Variants in APBA2 observed in about 807,000 individuals in gnomAD.
The protein encoded by APBA2 is amyloid beta precursor protein binding family A member 2.
APBA2 carries 30 observed loss-of-function variants against 75.0 expected under a neutral mutation model. That is an observed-to-expected ratio of 0.40 (90% CI 0.30 to 0.54). The LOEUF (loss-of-function observed/expected upper bound fraction) is 0.54. APBA2 is among the 20% of genes least tolerant of loss of function. The pLI is 0.49. For missense variants in APBA2, 801 were observed against 1,016.1 expected (o/e 0.79, Z 2.88); for synonymous variants, 444 against 409.6 (o/e 1.08, Z -1.01).
intron 2 of APBA2, among the ~76,000 whole-genome samples, chr15:28,928,159 A>AAG (rs398026686): frequency 1.3e-5 from 2 of 150,524 alleles, no homozygotes; most frequent in African/African-American, 2.4e-5. Flanking sequence ...AAAAAAAAAA[A>AAG]GAAACATGTT....
At position 28,991,568 on chromosome 15, in the gene APBA2, C is replaced by A. The variant is rs994838728; in HGVS notation, c.-94-4185C>A. On this transcript the variant is annotated intron_variant, in intron 2 of 14. Transcript: ENST00000683413. This position sits in a 1 kb window ranked among gnomAD's most constrained non-coding sequence, Gnocchi z 4.7. The stretch of plus-strand genomic sequence containing the variant: ...GCCATGTGAGTGTGAACCCCCATTA[C>A]AAGCTTTCCCTCATGAGATGGCGCT... Among the ~76,000 whole-genome samples the A allele has an allele frequency of 6.6e-6, 1 of 152,198 alleles. No homozygotes were observed. The highest frequency in any genetic ancestry group is 6.5e-5 in the Admixed American group (1 of 15,290).
chr15:29,115,228 G>A (rs949873833), intron 14 of APBA2, among the ~76,000 whole-genome samples: 1 of 135,990 alleles, frequency 7.4e-6, no homozygotes. Flanking sequence ...CTGAGTGCGT[G>A]GCGACCATCC....
At chr15:28,965,218 AT>A in intron 2 of APBA2, among the ~76,000 whole-genome samples, 2 of 152,246 alleles carry the variant, frequency 1.3e-5, no homozygotes, top group Middle Eastern at 6.8e-3. Context: ...AGCGCCATTA[AT>A]TGAAAAGGCT....
chr15:28,979,143 C>G (rs1375381439), intron 2 of APBA2, among the ~76,000 whole-genome samples: 1 of 152,222 alleles, frequency 6.6e-6, no homozygotes, highest in Admixed American at 6.5e-5. Flanking sequence ...TCCACACCCC[C>G]TGCCTGGCCT....
Position 29,054,974 on chromosome 15 carries a change from C to T in APBA2, c.951+139C>T. 1.2e-6 allele frequency: 1 copy of T among 819,288 alleles called. No homozygotes were observed. Among genetic ancestry groups the T allele is most frequent in the Non-Finnish European group, 2.0e-6 (1 of 509,096 alleles). 50.8% of individuals were successfully genotyped at this position (819,288 alleles called of 1,614,324 possible). A position where few individuals can be genotyped will look rare whatever the true frequency, so the allele number is the denominator to read the frequency against. ...CAGTTCTAATGGTGGCTGAGCTCTTCATTGGTCCAGTTGGGAGACATGTTG... is the reference window on the plus strand; with the variant it reads ...CAGTTCTAATGGTGGCTGAGCTCTTTATTGGTCCAGTTGGGAGACATGTTG... On this transcript the variant is annotated intron_variant, in intron 4 of 14. Transcript: ENST00000683413. This position sits in a 1 kb window ranked among gnomAD's most constrained non-coding sequence, Gnocchi z 6.1.
chr15:29,059,217 G>A (rs1342910600), intron 4 of APBA2, among the ~76,000 whole-genome samples: 2 of 144,772 alleles, frequency 1.4e-5, no homozygotes, highest in East Asian at 3.9e-4. Flanking sequence ...TTGTTGATAT[G>A]TGTGTGTGTG....
intron 14 of APBA2, among the ~76,000 whole-genome samples, chr15:29,115,979 G>T (rs111354367): frequency 1.3e-5 from 2 of 152,156 alleles, no homozygotes; most frequent in African/African-American, 4.8e-5. Context: ...CCCCCCATCC[G>T]GAGGCCGCAG....
intron 2 of APBA2, among the ~76,000 whole-genome samples, chr15:28,960,148 CAAAAAAAAA>C (rs59345963): frequency 1.1e-5 from 1 of 93,196 alleles, no homozygotes; most frequent in Non-Finnish European, 2.1e-5. Context: ...GACCTTGTTT[CAAAAAAAAA>C]AAAAAAAAAA....
rs138518851 is a variant in APBA2 at position 29,009,264 on chromosome 15, T to C, written c.-41+13458T>C. On this transcript the variant is annotated intron_variant, in intron 3 of 14. Coordinates refer to ENST00000683413, the MANE Select transcript of APBA2 (RefSeq NM_001353788.2). ...AGCACATTGCACCCCCTCCCCTCAC[T>C]GTAACAATCCACACCCTCAGAACGC... Among the ~76,000 whole-genome samples the C allele has an allele frequency of 3.0e-3, 457 of 152,240 alleles. 1 individual carries two copies. Among genetic ancestry groups the C allele is most frequent in the African/African-American group, 0.01 (434 of 41,530 alleles).
rs369914298 is a variant in APBA2 at position 29,017,829 on chromosome 15, G to A, written c.-41+22023G>A. Among the ~76,000 whole-genome samples, 18 of 151,880 alleles carry A rather than the reference G, an allele frequency of 1.2e-4. No individual in the cohort carries two copies. In the East Asian group the frequency reaches 2.9e-3, roughly 24 times the overall value. On this transcript the variant is annotated intron_variant, in intron 3 of 14. Transcript: ENST00000683413. The stretch of plus-strand genomic sequence containing the variant: ...TAGCACTGTATCTTTGTGTTTCTGC[G>A]GCAATATCTTCTTCTATTTATTTAA...
intron 12 of APBA2, 54 bp downstream of exon 12, chr15:29,106,873 A>C: frequency 6.5e-7 from 1 of 1,542,046 alleles, no homozygotes; most frequent in Non-Finnish European, 8.9e-7. Flanking sequence ...GCCTCACTTC[A>C]TCCCCACTTT....
chr15:28,977,092 T>A (rs1331573400), intron 2 of APBA2: 1 of 152,140 alleles, frequency 6.6e-6, no homozygotes, highest in African/African-American at 2.4e-5. Flanking sequence ...ATGTGAGCCT[T>A]AGTTCAGGCT....
intron 3 of APBA2, among the ~76,000 whole-genome samples, chr15:29,014,421 A>C: frequency 6.6e-6 from 1 of 152,250 alleles, no homozygotes; most frequent in East Asian, 1.9e-4. Context: ...TGTGATCCCA[A>C]AACAATCCTT....
intron 4 of APBA2, among the ~76,000 whole-genome samples, chr15:29,055,398 G>A (rs1346257324): frequency 1.3e-5 from 2 of 152,220 alleles, no homozygotes; most frequent in Admixed American, 6.5e-5. Context: ...TTGAAGGTTT[G>A]ACAAAACCTC....
At chr15:29,056,084 A>T (rs957486263) in intron 4 of APBA2, among the ~76,000 whole-genome samples, 6 of 152,202 alleles carry the variant, frequency 3.9e-5, no homozygotes, top group Non-Finnish European at 8.8e-5. Flanking sequence ...GGCTGTGCAG[A>T]GCGTGTGACA....
intron 2 of APBA2, among the ~76,000 whole-genome samples, 184 bp from the exon 3 acceptor site, chr15:28,995,568 GA>G (rs1479848746): frequency 5.2e-4 from 79 of 152,262 alleles, no homozygotes; most frequent in Non-Finnish European, 9.3e-4. Flanking sequence ...AATGGCTAAA[GA>G]AACATTTTAA....
chr15:29,078,082 G>C, intron 6 of APBA2, among the ~76,000 whole-genome samples: 1 of 152,020 alleles, frequency 6.6e-6, no homozygotes, highest in East Asian at 1.9e-4. Context: ...GGATCATGAG[G>C]TCAGCAGATC....
At chr15:28,887,645 G>A (rs1243533475) in intron 1 of APBA2, among the ~76,000 whole-genome samples, 1 of 152,172 alleles carries the variant, frequency 6.6e-6, no homozygotes, top group African/African-American at 2.4e-5. Context: ...GCTGGAGAGG[G>A]TCTCCTGAGC....
chr15:28,999,234 G>A (rs992995043), intron 3 of APBA2, among the ~76,000 whole-genome samples: 1 of 151,996 alleles, frequency 6.6e-6, no homozygotes, highest in Non-Finnish European at 1.5e-5. Context: ...CTTGAGGTGG[G>A]AAACATACAC....
Sources: gnomAD v4.1 joint callset for allele counts (sites outside exome capture counted in the v4.1 genomes callset) on GRCh38, gnomAD v4.1.1 for gene constraint, Gnocchi (gnomAD v3.1) non-coding constraint, MANE v1.5 for transcripts, NCBI Gene and HGNC (gene_info 2026-07-23, HGNC 2026-07-21) for gene names.